FAIM2: variants seen among roughly 807,000 people sequenced by gnomAD.
FAIM2 encodes the protein protein lifeguard 2.
A neutral mutation model predicts 47.4 loss-of-function variants in FAIM2; 27 were observed. The ratio of observed to expected loss-of-function variants is 0.57; its 90% CI spans 0.42 to 0.78. The LOEUF (loss-of-function observed/expected upper bound fraction) is 0.78. FAIM2 is among the 30% of genes least tolerant of loss of function. The pLI is 0.00. For synonymous variants in FAIM2, 156 were observed against 159.3 expected, an observed-to-expected ratio of 0.98 and a Z score of 0.16; for missense variants, 311 against 389.4, an observed-to-expected ratio of 0.80 and a Z score of 1.69.
intron 11 of FAIM2, among the ~76,000 whole-genome samples, chr12:49,885,129 AG>A (rs1481703470): frequency 1.3e-5 from 2 of 152,220 alleles, no homozygotes; most frequent in Admixed American, 6.5e-5. Flanking sequence ...TAAAACATAA[AG>A]GGTGGAACAG....
At chr12:49,883,259 G>A (rs7486913) in intron 11 of FAIM2, among the ~76,000 whole-genome samples, 37,696 of 152,052 alleles carry the variant, frequency 0.25, 5,200 homozygotes, top group East Asian at 0.4. Context: ...CACAGGGGCA[G>A]CCTGCAGGAG....
chr12:49,884,830 A>C (rs993456844), intron 11 of FAIM2, among the ~76,000 whole-genome samples: 4 of 152,146 alleles, frequency 2.6e-5, no homozygotes, highest in African/African-American at 9.7e-5. Context: ...AAAAATTAGC[A>C]GGGCATGGTG....
chr12:49,880,504 ATGAG>A (rs1946810144), intron 11 of FAIM2, among the ~76,000 whole-genome samples: 1 of 135,572 alleles, frequency 7.4e-6, no homozygotes, highest in South Asian at 2.4e-4. Context: ...ATGTGTGTGT[ATGAG>A]TGTGTATGTG....
chr12:49,890,720 C>G lies in FAIM2; in HGVS notation c.488G>C (p.Arg163Thr). 1.2e-6 allele frequency: 2 copies of G among 1,614,002 alleles called. No individual in the cohort carries two copies. The highest frequency in any genetic ancestry group is 8.5e-7 in the Non-Finnish European group (1 of 1,179,952). Reference protein sequence around the residue: ...LTLACCSGPRRHFPWNLILLT... With the variant: ...LTLACCSGPRTHFPWNLILLT... ...GAGAATCAGGTTCCAGGGGAAATGC[C>G]TCCTGCAAGGCAAGCCACAGAGTTC... is the stretch of plus-strand genomic sequence containing the variant. The change falls in exon 7 of 12, where the codon AGG becomes ACG. Residue 163 changes from arginine to threonine, a missense_variant and splice_region_variant. By Grantham distance (71) the Arg-to-Thr change is moderately conservative (BLOSUM62 -1). Transcript: ENST00000320634.
chr12:49,878,724 CTGTG>C (rs1946767981), intron 11 of FAIM2, among the ~76,000 whole-genome samples: 1 of 83,180 alleles, frequency 1.2e-5, no homozygotes, highest in Non-Finnish European at 2.1e-5. Context: ...GCGTGTGTGT[CTGTG>C]TGCATGTGAG....
chr12:49,900,473 A>T (rs913529501), intron 2 of FAIM2, among the ~76,000 whole-genome samples: 6 of 152,030 alleles, frequency 3.9e-5, no homozygotes, highest in African/African-American at 7.3e-5. Flanking sequence ...ACCCACTGGG[A>T]TTCTCGGTCT....
chr12:49,898,770 C>T (rs903421506), intron 2 of FAIM2, among the ~76,000 whole-genome samples: 1 of 152,244 alleles, frequency 6.6e-6, no homozygotes, highest in South Asian at 2.1e-4. Flanking sequence ...CCAAGCAATC[C>T]ACCTGCCTTG....
chr12:49,874,617 A>AG lies in FAIM2; in HGVS notation c.802-3965dup, dbSNP rs1399930390. Among the ~76,000 whole-genome samples the AG allele has an allele frequency of 3.9e-5, 6 of 152,152 alleles. No individual in the cohort carries two copies. Among genetic ancestry groups the AG allele is most frequent in the Non-Finnish European group, 8.8e-5 (6 of 68,032 alleles). On this transcript the variant is annotated intron_variant, in intron 11 of 11. Transcript: ENST00000320634. This position sits in a 1 kb window ranked among gnomAD's most constrained non-coding sequence, Gnocchi z 4.2. ...GAATGTGGCCCCAGAGGTGACGCTG[A>AG]GGGGCTCTGGGCAGTGCATGCCATG...
intron 2 of FAIM2, among the ~76,000 whole-genome samples, 167 bp from the exon 3 acceptor site, chr12:49,898,257 C>A (rs1269759212): frequency 2.0e-5 from 3 of 152,276 alleles, no homozygotes; most frequent in Non-Finnish European, 4.4e-5. Flanking sequence ...CCACCCCAAT[C>A]CCCAGATCTC....
chr12:49,895,337 C>G (rs889051676), intron 5 of FAIM2, among the ~76,000 whole-genome samples: 81 of 152,196 alleles, frequency 5.3e-4, no homozygotes, highest in African/African-American at 1.5e-3. Flanking sequence ...CCCATCCCCC[C>G]CAATGGAGTG....
intron 5 of FAIM2, among the ~76,000 whole-genome samples, chr12:49,891,517 A>C (rs957187531): frequency 2.2e-4 from 33 of 152,076 alleles, no homozygotes; most frequent in African/African-American, 7.7e-4. Flanking sequence ...AGGCACGGGG[A>C]GGTCAGGCGA....
At chr12:49,886,562 G>A (rs1946862871) in intron 11 of FAIM2, among the ~76,000 whole-genome samples, 2 of 152,054 alleles carry the variant, frequency 1.3e-5, no homozygotes, top group African/African-American at 4.8e-5. Context: ...TGCAAGCTCT[G>A]CCTCCCGGGT....
chr12:49,878,558 G>C (rs1279467326), intron 11 of FAIM2, among the ~76,000 whole-genome samples: 4 of 59,558 alleles, frequency 6.7e-5, no homozygotes, highest in African/African-American at 4.1e-4. Context: ...GTGCATGTGT[G>C]AGTGTATATG....
chr12:49,903,726 G>C, intron 1 of FAIM2, 52 bp downstream of exon 1: 1 of 1,549,962 alleles, frequency 6.5e-7, no homozygotes, highest in Non-Finnish European at 8.7e-7. Context: ...GGATGACAGG[G>C]AGCCGGGAGC....
chr12:49,903,280 G>A (rs940896022), intron 1 of FAIM2, among the ~76,000 whole-genome samples: 37 of 152,250 alleles, frequency 2.4e-4, no homozygotes, highest in African/African-American at 8.7e-4. Context: ...GCACAGGGAT[G>A]GAGCCAAGAC....
chr12:49,877,976 ATG>A (rs1297573171), intron 11 of FAIM2, among the ~76,000 whole-genome samples: 1 of 147,080 alleles, frequency 6.8e-6, no homozygotes, highest in African/African-American at 2.7e-5. Flanking sequence ...GTATGTGTGC[ATG>A]TATGTGTTTA....
intron 11 of FAIM2, among the ~76,000 whole-genome samples, chr12:49,878,017 T>C (rs1406324625): frequency 1.3e-5 from 2 of 151,622 alleles, no homozygotes; most frequent in Non-Finnish European, 2.9e-5. Flanking sequence ...CATGTGTGTA[T>C]GTGTGAGTGT....
chr12:49,874,750 C>T lies in FAIM2; in HGVS notation c.802-4097G>A, dbSNP rs2137079553. Among the ~76,000 whole-genome samples the T allele has an allele frequency of 6.6e-6, 1 of 152,320 alleles. No homozygotes were observed. The highest frequency in any genetic ancestry group is 1.9e-4 in the East Asian group (1 of 5,186). On this transcript the variant is annotated intron_variant, in intron 11 of 11. Coordinates refer to ENST00000320634, the MANE Select transcript of FAIM2 (RefSeq NM_012306.4). The surrounding 1 kb of genome is among the most constrained non-coding windows in gnomAD (Gnocchi z 4.2). ...TGCCACGTGGACTGTGTCTGTCCTG[C>T]ATAAATGCCAGTGTGAGGGCGTGTG...
chr12:49,871,307 G>A (rs1003504195), intron 11 of FAIM2, among the ~76,000 whole-genome samples: 1 of 152,222 alleles, frequency 6.6e-6, no homozygotes, highest in Non-Finnish European at 1.5e-5. Context: ...AGCCCCAGGT[G>A]TAAACATTCT....
Sources: allele counts gnomAD v4.1 joint callset (sites outside exome capture counted in the v4.1 genomes callset), GRCh38; gene constraint gnomAD v4.1.1; non-coding constraint Gnocchi (gnomAD v3.1); transcripts MANE v1.5; gene names NCBI Gene and HGNC (gene_info 2026-07-23, HGNC 2026-07-21).